Variants in SYNPO2 observed in about 807,000 individuals in gnomAD.
The protein encoded by SYNPO2 is synaptopodin-2.
A neutral mutation model predicts 85.0 loss-of-function variants in SYNPO2; 56 were observed. That is an observed-to-expected ratio of 0.66 (90% confidence interval 0.53 to 0.82). SYNPO2 has a LOEUF of 0.82. Ranked by LOEUF, SYNPO2 falls within the 40% of genes least tolerant of loss-of-function variation. The pLI is 0.00. For synonymous variants in SYNPO2, 602 were observed against 591.1 expected, an observed-to-expected ratio of 1.02 and a Z score of -0.27; for missense variants, 1,575 against 1,534.2, an observed-to-expected ratio of 1.03 and a Z score of -0.44.
chr4:118,886,507 G>T (rs1318617610), upstream of SYNPO2, among the ~76,000 whole-genome samples: 1 of 152,126 alleles, frequency 6.6e-6, no homozygotes, highest in African/African-American at 2.4e-5. Context: ...GTGGTGTTTG[G>T]TTTACTGTTC....
chr4:118,854,409 AT>A (rs986227971), intron 1 of SYNPO2, among the ~76,000 whole-genome samples: 1 of 152,210 alleles, frequency 6.6e-6, no homozygotes, highest in Non-Finnish European at 1.5e-5. Context: ...AATGATAAGA[AT>A]TTTATAGCAA....
intron 4 of SYNPO2, among the ~76,000 whole-genome samples, chr4:119,056,820 C>T (rs1739220669): frequency 6.6e-6 from 1 of 152,088 alleles, no homozygotes; most frequent in Admixed American, 6.5e-5. Flanking sequence ...TTAATCATAC[C>T]AGTAATGTTA....
At chr4:118,886,114 A>G (rs1447856990), upstream of SYNPO2, among the ~76,000 whole-genome samples, 1 of 152,190 alleles carries the variant, frequency 6.6e-6, no homozygotes, top group Non-Finnish European at 1.5e-5. Flanking sequence ...CCTAAGGGAG[A>G]AATGATTTAA....
chr4:118,918,160 G>A (rs982093981), intron 1 of SYNPO2, among the ~76,000 whole-genome samples: 2 of 152,024 alleles, frequency 1.3e-5, no homozygotes, highest in African/African-American at 4.8e-5. Context: ...GAAACTGAAA[G>A]TTCTTTTTTT....
intron 1 of SYNPO2, among the ~76,000 whole-genome samples, chr4:118,851,441 T>A (rs11943114): frequency 2.8e-4 from 43 of 151,248 alleles, no homozygotes; most frequent in Non-Finnish European, 5.5e-4. Flanking sequence ...GAGCCGAGAT[T>A]GCACCATTGC....
At chr4:119,004,231 T>TTA (rs1560967938) in intron 1 of SYNPO2, among the ~76,000 whole-genome samples, 2 of 151,994 alleles carry the variant, frequency 1.3e-5, no homozygotes, top group African/African-American at 4.8e-5. Context: ...TACCTTTTTT[T>TTA]AAAAAAAAGT....
chr4:118,958,318 T>C (rs993852624), intron 1 of SYNPO2, among the ~76,000 whole-genome samples: 1 of 152,226 alleles, frequency 6.6e-6, no homozygotes, highest in South Asian at 2.1e-4. Context: ...AAAGTGCAGA[T>C]GAAACTTAAC....
At chr4:119,014,281 G>C (rs187580940) in intron 1 of SYNPO2, among the ~76,000 whole-genome samples, 2 of 152,208 alleles carry the variant, frequency 1.3e-5, no homozygotes, top group African/African-American at 4.8e-5. Flanking sequence ...GGGTGTGGCG[G>C]CACATGCCTG....
chr4:118,852,523 G>A (rs1365531240), intron 1 of SYNPO2, among the ~76,000 whole-genome samples: 1 of 152,192 alleles, frequency 6.6e-6, no homozygotes, highest in African/African-American at 2.4e-5. Flanking sequence ...TATACACCAT[G>A]GAATACTATT....
At chr4:119,054,223 C>T (rs1016629432) in intron 4 of SYNPO2, among the ~76,000 whole-genome samples, 1 of 152,204 alleles carries the variant, frequency 6.6e-6, no homozygotes, top group Non-Finnish European at 1.5e-5. Context: ...CTTGCGACCC[C>T]AAAGCCCCAG....
intron 1 of SYNPO2, among the ~76,000 whole-genome samples, chr4:118,938,233 T>C (rs1439164205): frequency 6.6e-6 from 1 of 152,122 alleles, no homozygotes; most frequent in African/African-American, 2.4e-5. Flanking sequence ...GCACAAGAAT[T>C]GCTTGAACCC....
At chr4:118,893,219 T>G (rs2149114844) in intron 1 of SYNPO2, among the ~76,000 whole-genome samples, 1 of 152,298 alleles carries the variant, frequency 6.6e-6, no homozygotes, top group East Asian at 1.9e-4. Flanking sequence ...ATAAATCTAT[T>G]AAGTAGGCGA....
At chr4:118,947,313 G>A (rs1578575552) in intron 1 of SYNPO2, among the ~76,000 whole-genome samples, 2 of 152,198 alleles carry the variant, frequency 1.3e-5, no homozygotes, top group African/African-American at 4.8e-5. Flanking sequence ...AATGAGACAC[G>A]TAATGTGGCA....
chr4:119,040,895 G>A (rs1245819587), intron 4 of SYNPO2, among the ~76,000 whole-genome samples: 3 of 152,196 alleles, frequency 2.0e-5, no homozygotes, highest in Admixed American at 6.5e-5. Context: ...TCAGCAACCT[G>A]GCCTTTTTAG....
At chr4:118,894,232 T>C (rs1732471804) in intron 1 of SYNPO2, among the ~76,000 whole-genome samples, 1 of 152,076 alleles carries the variant, frequency 6.6e-6, no homozygotes, top group Admixed American at 6.6e-5. Flanking sequence ...CCTTCCCCAC[T>C]GCCTCTCTCC....
chr4:119,005,062 G>T lies in SYNPO2; in HGVS notation c.106-18368G>T, dbSNP rs868563328. 2.3e-3 allele frequency among the ~76,000 whole-genome samples: 345 copies of T among 150,500 alleles called. 2 individuals carry two copies. Among genetic ancestry groups the T allele is most frequent in the Non-Finnish European group, 2.8e-3 (190 of 67,048 alleles). Reference sequence around the variant, plus strand: ...GTCTGTTCATATCCTTCGCCCACTTGTTGATGGGGTTGTTTGTTTTTTTCT... The same window carrying T: ...GTCTGTTCATATCCTTCGCCCACTTTTTGATGGGGTTGTTTGTTTTTTTCT... On this transcript the variant is annotated intron_variant, in intron 1 of 4. Transcript: ENST00000307142.
intron 2 of SYNPO2, among the ~76,000 whole-genome samples, chr4:119,024,353 C>G (rs1247701931): frequency 6.6e-6 from 1 of 152,188 alleles, no homozygotes; most frequent in Non-Finnish European, 1.5e-5. Flanking sequence ...GAAAGGAAAG[C>G]TTTGGCTTCC....
chr4:118,910,083 G>A (rs1226082953), intron 1 of SYNPO2, among the ~76,000 whole-genome samples: 3 of 152,110 alleles, frequency 2.0e-5, no homozygotes, highest in East Asian at 1.9e-4. Context: ...AAGTATTGAC[G>A]GTTCACCAGT....
At chr4:118,993,395 G>T (rs1190329742) in intron 1 of SYNPO2, among the ~76,000 whole-genome samples, 1 of 152,178 alleles carries the variant, frequency 6.6e-6, no homozygotes, top group African/African-American at 2.4e-5. Context: ...ATAGACAAAC[G>T]TATCTCATTT....
Sources: allele counts gnomAD v4.1 joint callset (sites outside exome capture counted in the v4.1 genomes callset), GRCh38; gene constraint gnomAD v4.1.1; transcripts MANE v1.5; gene names NCBI Gene and HGNC (gene_info 2026-07-23, HGNC 2026-07-21).